The following NEBL variants were observed in gnomAD, a reference collection of about 807,000 sequenced individuals.
The protein encoded by NEBL is LIM and SH3 protein 2.
In NEBL, 122 loss-of-function variants were observed where a neutral mutation model predicts 140.2. That is an observed-to-expected ratio of 0.87 (90% confidence interval 0.75 to 1.01). The LOEUF (loss-of-function observed/expected upper bound fraction) is 1.01, where lower values mean the gene tolerates loss of function less well. Among genes scored for constraint, NEBL ranks in the 50% least tolerant of loss-of-function variants. The pLI is 0.00. For synonymous variants in NEBL, 436 were observed against 398.9 expected (o/e 1.09, Z -1.11); for missense variants, 1,365 against 1,231.3 (o/e 1.11, Z -1.62).
At position 20,953,878 on chromosome 10, in the gene NEBL, C is replaced by T. The variant is rs45526740; in HGVS notation, c.357+7794G>A. The stretch of plus-strand genomic sequence containing the variant: ...TTATTCCACATGCATTTATTGAGTA[C>T]GTGCTCTGTACTGAGCTCTATTCTA... On this transcript the variant is annotated intron_variant, in intron 4 of 6. Transcript: ENST00000417816. 6.0e-3 allele frequency among the ~76,000 whole-genome samples: 906 copies of T among 152,116 alleles called. 2 individuals are homozygous for T. The highest frequency in any genetic ancestry group is 9.1e-3 in the Non-Finnish European group (617 of 67,990).
intron 3 of NEBL, among the ~76,000 whole-genome samples, chr10:21,188,685 C>T (rs1419988009): frequency 6.6e-6 from 1 of 151,034 alleles, no homozygotes; most frequent in Non-Finnish European, 1.5e-5. Context: ...ACTGCAACCT[C>T]CGCCTCCCGG....
intron 3 of NEBL, among the ~76,000 whole-genome samples, chr10:20,970,236 T>C (rs1304606761): frequency 1.3e-5 from 2 of 151,826 alleles, no homozygotes; most frequent in Non-Finnish European, 1.5e-5. Context: ...CTCCTTACTG[T>C]ACACACATGT....
intron 19 of NEBL, among the ~76,000 whole-genome samples, chr10:20,820,696 G>C (rs981147516): frequency 8.5e-5 from 13 of 152,086 alleles, no homozygotes; most frequent in South Asian, 8.3e-4. Context: ...ATGGTGGTTT[G>C]CATCTGTAAT....
In NEBL at chr10:20,868,848, AT is replaced by A. The variant is rs371643013; in HGVS notation, c.583-84del. 1,578 of 760,992 alleles carry A rather than the reference AT, an allele frequency of 2.1e-3. 16 individuals are homozygous for A. The East Asian group carries it at 0.031, about 15-fold the overall frequency. 47.1% of individuals were successfully genotyped at this position (760,992 alleles called of 1,614,324 possible). A position where few individuals can be genotyped will look rare whatever the true frequency, so the allele number is the denominator to read the frequency against. On this transcript the variant is annotated intron_variant, in intron 6 of 27. Transcript: ENST00000377122. The stretch of plus-strand genomic sequence containing the variant: ...TTGACATTAGCCAAAAAAAAAAAAA[AT>A]AACAGACCTTCATCTCATTAATATT...
intron 13 of NEBL, among the ~76,000 whole-genome samples, chr10:20,838,368 G>T (rs181958911): frequency 4.7e-4 from 71 of 152,308 alleles, no homozygotes; most frequent in African/African-American, 1.7e-3. Context: ...AATAGCAAGA[G>T]AACTAGAATT....
At chr10:21,247,005 G>A (rs1842525360) in intron 3 of NEBL, among the ~76,000 whole-genome samples, 1 of 152,088 alleles carries the variant, frequency 6.6e-6, no homozygotes, top group African/African-American at 2.4e-5. Context: ...TAGTGAGTGA[G>A]TTCTCATGAG....
chr10:20,835,558 G>A lies in NEBL; in HGVS notation c.1404C>T (p.Thr468=), dbSNP rs368975986. The A allele has an allele frequency of 6.2e-6, 10 of 1,612,654 alleles. No homozygotes were observed. Among genetic ancestry groups the A allele is most frequent in the Admixed American group, 3.3e-5 (2 of 60,002 alleles). Residue 468 remains threonine (T), a synonymous_variant, in exon 14 of 28, where the codon ACC becomes ACT. Coordinates refer to ENST00000377122, the MANE Select transcript of NEBL (RefSeq NM_006393.3). ...KGKGMQAGTD[T]LEMQHAKKAA... ...CCTTCTTGGCATGCTGCATTTCAAG[G>A]GTGTCAGTGCCAGCTTGCATTCCTT...
intron 2 of NEBL, among the ~76,000 whole-genome samples, chr10:20,892,301 C>T (rs1248818676): frequency 6.6e-6 from 1 of 152,222 alleles, no homozygotes; most frequent in African/African-American, 2.4e-5. Context: ...AGATGCTGCA[C>T]AACCCTGTGA....
intron 2 of NEBL, among the ~76,000 whole-genome samples, chr10:21,036,950 G>T (rs574477436): frequency 6.6e-6 from 1 of 152,042 alleles, no homozygotes; most frequent in Non-Finnish European, 1.5e-5. Flanking sequence ...TGTTTGTTTC[G>T]TTTTGTTTAT....
chr10:21,269,821 G>A (rs1204219633), intron 1 of NEBL, among the ~76,000 whole-genome samples: 1 of 152,142 alleles, frequency 6.6e-6, no homozygotes. Flanking sequence ...CTACCAGACT[G>A]GGTCTCCAGG....
Position 20,969,544 on chromosome 10 carries a change from C to CTT in NEBL, c.250-7767_250-7766dup, listed in dbSNP as rs771623257. On this transcript the variant is annotated intron_variant, in intron 3 of 6. Transcript: ENST00000417816. Reference sequence around the variant, plus strand: ...CATTAAAAATGACTTTTTTTCTTTTCTTTTTTTTTTTTTTTTTTTGAGACA... The same window carrying CTT: ...CATTAAAAATGACTTTTTTTCTTTTCTTTTTTTTTTTTTTTTTTTTTGAGACA... Among the ~76,000 whole-genome samples, 79 of 115,734 alleles carry CTT rather than the reference C, an allele frequency of 6.8e-4. 1 individual carries two copies. Among genetic ancestry groups the CTT allele is most frequent in the African/African-American group, 8.3e-4 (25 of 29,984 alleles). The allele number at this position is 115,734 out of a possible 152,430, so 75.9% of individuals were successfully genotyped here.
intron 2 of NEBL, among the ~76,000 whole-genome samples, chr10:21,167,104 T>C (rs1840810193): frequency 1.3e-5 from 2 of 152,160 alleles, no homozygotes; most frequent in Admixed American, 1.3e-4. Context: ...TCTGGGTGAC[T>C]CGTCACGAGA....
intron 3 of NEBL, among the ~76,000 whole-genome samples, chr10:21,185,633 G>A (rs1841453294): frequency 6.6e-6 from 1 of 151,320 alleles, no homozygotes; most frequent in Admixed American, 6.6e-5. Flanking sequence ...CGAGTAGCTG[G>A]GATTACAGGC....
intron 9 of NEBL, among the ~76,000 whole-genome samples, chr10:20,854,649 T>C (rs1370326113): frequency 2.0e-5 from 3 of 150,364 alleles, no homozygotes; most frequent in Non-Finnish European, 4.4e-5. Flanking sequence ...ACTGCAGCCT[T>C]GACCTCCTGG....
intron 27 of NEBL, 135 bp downstream of exon 27, chr10:20,787,067 A>G: frequency 1.2e-6 from 1 of 826,950 alleles, no homozygotes; most frequent in Non-Finnish European, 2.0e-6. Flanking sequence ...AGAGTTGTAT[A>G]AATGGCAACA....
intron 3 of NEBL, among the ~76,000 whole-genome samples, chr10:20,987,432 C>CTCATT (rs1293566583): frequency 6.6e-6 from 1 of 152,102 alleles, no homozygotes; most frequent in Non-Finnish European, 1.5e-5. Context: ...TCTAATCTTT[C>CTCATT]TCATTTCTTC....
intron 2 of NEBL, chr10:21,125,959 G>A (rs1480291556): frequency 6.2e-7 from 1 of 1,614,186 alleles, no homozygotes; most frequent in Admixed American, 1.7e-5. Context: ...CCAGTTGCCT[G>A]GATCTGGTTC....
chr10:21,065,798 C>T (rs1835508417), intron 2 of NEBL, among the ~76,000 whole-genome samples: 1 of 152,164 alleles, frequency 6.6e-6, no homozygotes, highest in African/African-American at 2.4e-5. Context: ...CTCCCTGCAA[C>T]CCTATCACTC....
intron 3 of NEBL, among the ~76,000 whole-genome samples, chr10:21,230,756 C>CAA (rs1842238182): frequency 6.6e-6 from 1 of 152,036 alleles, no homozygotes; most frequent in Non-Finnish European, 1.5e-5. Context: ...AGGCACCCAC[C>CAA]GCCAAGCCCA....
Sources: gnomAD v4.1 joint callset for allele counts (sites outside exome capture counted in the v4.1 genomes callset) on GRCh38, gnomAD v4.1.1 for gene constraint, MANE v1.5 for transcripts, NCBI Gene and HGNC (gene_info 2026-07-23, HGNC 2026-07-21) for gene names.